TNFRSF25: variants seen among roughly 807,000 people sequenced by gnomAD.
TNFRSF25 encodes the protein TNF receptor superfamily member 25.
Under a neutral mutation model 49.4 loss-of-function variants are expected in TNFRSF25, and 28 were observed. The ratio of observed to expected loss-of-function variants is 0.57; its 90% CI spans 0.42 to 0.78. The LOEUF (loss-of-function observed/expected upper bound fraction) is 0.78, where lower values mean the gene tolerates loss of function less well. Among genes scored for constraint, TNFRSF25 ranks in the 30% least tolerant of loss-of-function variants. The pLI is 0.00. For missense variants in TNFRSF25, 531 were observed against 581.6 expected (o/e 0.91, Z 0.90); for synonymous variants, 240 against 234.2 (o/e 1.02, Z -0.23).
chr1:6,462,364 C>T lies in TNFRSF25; in HGVS notation c.745-190G>A, dbSNP rs895752857. 9.7e-6 allele frequency: 11 copies of T among 1,138,426 alleles called. No individual in the cohort carries two copies. Among genetic ancestry groups the T allele is most frequent in the Middle Eastern group, 2.9e-4 (1 of 3,490 alleles). 70.5% of individuals were successfully genotyped at this position (1,138,426 alleles called of 1,614,324 possible). On this transcript the variant is annotated intron_variant, in intron 8 of 9. Coordinates refer to ENST00000356876, the MANE Select transcript of TNFRSF25 (RefSeq NM_003790.3). The surrounding 1 kb of genome is among the most constrained non-coding windows in gnomAD (Gnocchi z 4.2). ...GCTTCTGCCTTGAGTCCCCTGCCCCCGCCTCCTTCCTCTTGTCCCCCAGCA... is the reference window on the plus strand; with the variant it reads ...GCTTCTGCCTTGAGTCCCCTGCCCCTGCCTCCTTCCTCTTGTCCCCCAGCA...
rs1557725240 is a variant in TNFRSF25, at chr1:6,462,107, A to T, written c.812T>A (p.Ile271Asn). The change falls in exon 9 of 10, where the codon ATC becomes AAC. Residue 271 changes from isoleucine to asparagine, a missense_variant. By Grantham distance (149) the Ile-to-Asn change is moderately radical (BLOSUM62 -3). Coordinates refer to ENST00000356876, the MANE Select transcript of TNFRSF25 (RefSeq NM_003790.3). This position sits in a 1 kb window ranked among gnomAD's most constrained non-coding sequence, Gnocchi z 4.2. ...GTTACCCACCAACTGGACGGTGCAG[A>T]TCTTCTCACTGCTGTCAGGAGGTGC... is the stretch of plus-strand genomic sequence containing the variant. ...LLAPPDSSEK[I>N]CTVQLVGNSW... The T allele has an allele frequency of 6.2e-7, 1 of 1,613,772 alleles. No individual in the cohort carries two copies.
rs1644179900 is a variant in TNFRSF25 at position 6,461,760 on chromosome 1, G to A, written c.928C>T (p.Pro310Ser). 2.0e-6 allele frequency: 3 copies of A among 1,521,906 alleles called. No homozygotes were observed. Among genetic ancestry groups the A allele is most frequent in the Non-Finnish European group, 2.6e-6 (3 of 1,137,238 alleles). The allele number at this position is 1,521,906 out of a possible 1,614,324, so 94.3% of individuals were successfully genotyped here. ...WDQLPSRALG[P>S]AAAPTLSPES... ...GGCGAGAGTGTGGGCGCAGCAGCGG[G>A]GCCTGGGGCAGGGCCAGAGAGAGCC... Residue 310 changes from proline (P) to serine (S), a missense_variant and splice_region_variant, in exon 10 of 10, where the codon CCC (proline) becomes TCC (serine). Physicochemically the swap from Pro to Ser is moderately conservative, Grantham distance 74. Coordinates refer to ENST00000356876, the MANE Select transcript of TNFRSF25 (RefSeq NM_003790.3). The surrounding 1 kb of genome is among the most constrained non-coding windows in gnomAD (Gnocchi z 6.3).
At position 6,462,970 on chromosome 1, in the gene TNFRSF25, A is replaced by T; in HGVS notation, c.599T>A (p.Met200Lys). The T allele has an allele frequency of 6.3e-7, 1 of 1,590,066 alleles. No individual in the cohort carries two copies. Among genetic ancestry groups the T allele is most frequent in the Non-Finnish European group, 8.6e-7 (1 of 1,167,758 alleles). ...AGCCAGGAGCACCTGGACCCAGAAC[A>T]CTGAAAGCAGCTGGTGGGTGTTGGG... is the stretch of plus-strand genomic sequence containing the variant. The part of the protein sequence containing the change: ...RCAAVCGWRQ[M>K]FWVQVLLAGL... The change falls in exon 7 of 10, where the codon ATG (methionine) becomes AAG (lysine). Residue 200 changes from methionine to lysine, a missense_variant and splice_region_variant. By Grantham distance (95) the Met-to-Lys change is moderately conservative (BLOSUM62 -1). Coordinates refer to ENST00000356876, the MANE Select transcript of TNFRSF25 (RefSeq NM_003790.3). This position sits in a 1 kb window ranked among gnomAD's most constrained non-coding sequence, Gnocchi z 4.2.
At chr1:6,465,725 TC>T (rs1401968052) in intron 1 of TNFRSF25, 165 bp from the exon 2 acceptor site, 1 of 1,430,742 alleles carries the variant, frequency 7.0e-7, no homozygotes, top group Non-Finnish European at 9.1e-7. Context: ...CTAACTTCCT[TC>T]CCCCCGCGCA....
intron 5 of TNFRSF25, 172 bp from the exon 6 acceptor site, chr1:6,463,299 C>G (rs1311440517): frequency 3.1e-6 from 2 of 649,036 alleles, no homozygotes; most frequent in Admixed American, 5.7e-5. Flanking sequence ...ACACTATTCA[C>G]TGAGCTTCTT....
At position 6,462,962 on chromosome 1, in the gene TNFRSF25, C is replaced by T. The variant is rs761383028; in HGVS notation, c.607G>A (p.Val203Ile). Residue 203 changes from valine (V) to isoleucine (I), a missense_variant, in exon 7 of 10, where the codon GTC becomes ATC. Coordinates refer to ENST00000356876, the MANE Select transcript of TNFRSF25 (RefSeq NM_003790.3). This position sits in a 1 kb window ranked among gnomAD's most constrained non-coding sequence, Gnocchi z 4.2. ...AVCGWRQMFW[V>I]QVLLAGLVVP... ...ACAAGGCCAGCCAGGAGCACCTGGA[C>T]CCAGAACACTGAAAGCAGCTGGTGG... 4 of 1,595,036 alleles carry T rather than the reference C, an allele frequency of 2.5e-6. No homozygotes were observed. The highest frequency in any genetic ancestry group is 1.1e-5 in the South Asian group (1 of 88,258).
Position 6,464,358 on chromosome 1 carries a change from C to T in TNFRSF25, c.542+17G>A, listed in dbSNP as rs753562897. 1.8e-5 allele frequency: 28 copies of T among 1,597,384 alleles called. No homozygotes were observed. The highest frequency in any genetic ancestry group is 2.3e-5 in the South Asian group (2 of 88,252). On this transcript the variant is annotated intron_variant, in intron 5 of 9. Transcript: ENST00000356876. ...CCCAGCCGCCCTTCCCTCCATCCCA[C>T]GACAGCTAGGAATTACGTGGGGCAG... is the stretch of plus-strand genomic sequence containing the variant.
Position 6,462,732 on chromosome 1 carries a change from G to C in TNFRSF25, c.707-66C>G. On this transcript the variant is annotated intron_variant, in intron 7 of 9. Transcript: ENST00000356876. The surrounding 1 kb of genome is among the most constrained non-coding windows in gnomAD (Gnocchi z 4.2). ...CCTCCTGGACCTGGGTGCTGGTACAGCTCCTCTAGGGTTCCTCTGCACCCC... is the reference window on the plus strand; with the variant it reads ...CCTCCTGGACCTGGGTGCTGGTACACCTCCTCTAGGGTTCCTCTGCACCCC... 6.3e-7 allele frequency: 1 copy of C among 1,598,880 alleles called. No individual in the cohort carries two copies. The highest frequency in any genetic ancestry group is 8.5e-7 in the Non-Finnish European group (1 of 1,172,562).
chr1:6,465,288 C>T, intron 2 of TNFRSF25, 66 bp from the exon 3 acceptor site: 2 of 1,555,310 alleles, frequency 1.3e-6, no homozygotes, highest in African/African-American at 1.4e-5. Flanking sequence ...CTGCTTCCCA[C>T]CCTGCCCTCC....
In TNFRSF25 at chr1:6,461,397, G is replaced by T; in HGVS notation, c.*37C>A. ...TAACCGTACTTAGGGCTTCTGCAAG[G>T]GCCACCAGAGCGCCTAGGTGGCAAG... is the stretch of plus-strand genomic sequence containing the variant. On this transcript the variant is annotated 3_prime_UTR_variant, in exon 10 of 10. Transcript: ENST00000356876. The surrounding 1 kb of genome is among the most constrained non-coding windows in gnomAD (Gnocchi z 6.3). The T allele has an allele frequency of 6.8e-7, 1 of 1,475,336 alleles. No individual in the cohort carries two copies. Among genetic ancestry groups the T allele is most frequent in the Non-Finnish European group, 9.0e-7 (1 of 1,112,456 alleles). 91.4% of individuals were successfully genotyped at this position (1,475,336 alleles called of 1,614,324 possible). A position where few individuals can be genotyped will look rare whatever the true frequency, so the allele number is the denominator to read the frequency against.
rs114752231 is a variant in TNFRSF25 at position 6,462,599 on chromosome 1, C to T, written c.744+30G>A. ...GGCTTGATCTTCCAGCTCCAGAAGGCAGCCCAGAATCACACAGTGAGGTTC... is the reference window on the plus strand; with the variant it reads ...GGCTTGATCTTCCAGCTCCAGAAGGTAGCCCAGAATCACACAGTGAGGTTC... On this transcript the variant is annotated intron_variant, in intron 8 of 9. Coordinates refer to ENST00000356876, the MANE Select transcript of TNFRSF25 (RefSeq NM_003790.3). The surrounding 1 kb of genome is among the most constrained non-coding windows in gnomAD (Gnocchi z 4.2). The T allele has an allele frequency of 1.3e-4, 212 of 1,604,042 alleles. No homozygotes were observed. The African/African-American group carries it at 2.5e-3, about 19-fold the overall frequency.
chr1:6,463,562 T>TA, intron 5 of TNFRSF25: 1 of 169,342 alleles, frequency 5.9e-6, no homozygotes, highest in South Asian at 1.5e-4. Context: ...CCGTCTCTAC[T>TA]AAAAATACAA....
At position 6,465,113 on chromosome 1, in the gene TNFRSF25, G is replaced by A; in HGVS notation, c.270C>T (p.Ala90=). 6.2e-7 allele frequency: 1 copy of A among 1,613,962 alleles called. No homozygotes were observed. The highest frequency in any genetic ancestry group is 8.5e-7 in the Non-Finnish European group (1 of 1,179,932). Residue 90 remains alanine, a synonymous_variant, in exon 3 of 10, where the codon GCC becomes GCT. Transcript: ENST00000356876. The part of the protein sequence containing the change: ...AWENHHNSEC[A]RCQACDEQAS... ...CCTGCTCATCACAGGCCTGGCAGCG[G>A]GCACATTCAGAATTATGGTGGTTCT... is the stretch of plus-strand genomic sequence containing the variant.
In TNFRSF25 at chr1:6,462,361, C is replaced by T. The variant is rs1644200828; in HGVS notation, c.745-187G>A. 6 of 1,138,010 alleles carry T rather than the reference C, an allele frequency of 5.3e-6. No homozygotes were observed. The highest frequency in any genetic ancestry group is 3.0e-5 in the Admixed American group (1 of 33,728). 70.5% of individuals were successfully genotyped at this position (1,138,010 alleles called of 1,614,324 possible). Reference sequence around the variant, plus strand: ...CTTGCTTCTGCCTTGAGTCCCCTGCCCCCGCCTCCTTCCTCTTGTCCCCCA... The same window carrying T: ...CTTGCTTCTGCCTTGAGTCCCCTGCTCCCGCCTCCTTCCTCTTGTCCCCCA... On this transcript the variant is annotated intron_variant, in intron 8 of 9. Transcript: ENST00000356876. This position sits in a 1 kb window ranked among gnomAD's most constrained non-coding sequence, Gnocchi z 4.2.
intron 5 of TNFRSF25, chr1:6,463,921 G>GTATT (rs970189098): frequency 1.1e-5 from 2 of 185,686 alleles, no homozygotes; most frequent in African/African-American, 4.8e-5. Flanking sequence ...TCAGCCCTTT[G>GTATT]TATTTATTTA....
Position 6,466,055 on chromosome 1 carries a change from G to A in TNFRSF25, c.39+14C>T. On this transcript the variant is annotated intron_variant, in intron 1 of 9. Coordinates refer to ENST00000356876, the MANE Select transcript of TNFRSF25 (RefSeq NM_003790.3). ...GGCTCAAAGCTGCCCCTAGCCTCCT[G>A]CGTCTCAACTCACCGCCGCCACCGC... The A allele has an allele frequency of 6.3e-7, 1 of 1,580,896 alleles. No homozygotes were observed. The highest frequency in any genetic ancestry group is 8.6e-7 in the Non-Finnish European group (1 of 1,165,830).
chr1:6,465,228 G>A lies in TNFRSF25; in HGVS notation c.161-6C>T, dbSNP rs1372943376. On this transcript the variant is annotated splice_region_variant and splice_polypyrimidine_tract_variant and intron_variant, in intron 2 of 9. Transcript: ENST00000356876. ...AGGGGCCTTCAGGTAGTGCCCTGTG[G>A]AACCAGGCAGGGGTCAGGCAGGCAG... 4 of 1,605,930 alleles carry A rather than the reference G, an allele frequency of 2.5e-6. No individual in the cohort carries two copies. In the African/African-American group the frequency reaches 5.4e-5, roughly 21 times the overall value.
rs765353810 is a variant in TNFRSF25, at chr1:6,462,012, A to G, written c.907T>C (p.Leu303=). ...CPQVTWSWDQ[L]PSRALGPAAA... ...CCCTTACCAAGAGCTCTGCTGGGCA[A>G]CTGGTCCCAGGACCATGTCACCTGC... is the stretch of plus-strand genomic sequence containing the variant. Residue 303 remains leucine (L), a synonymous_variant, in exon 9 of 10, where the codon TTG becomes CTG. Transcript: ENST00000356876. The surrounding 1 kb of genome is among the most constrained non-coding windows in gnomAD (Gnocchi z 4.2). 3.7e-6 allele frequency: 6 copies of G among 1,610,584 alleles called. No homozygotes were observed. The East Asian group carries it at 8.9e-5, about 24-fold the overall frequency.
rs374137760 is a variant in TNFRSF25, at chr1:6,465,380, T to C, written c.160+60A>G. 5.7e-6 allele frequency: 9 copies of C among 1,569,286 alleles called. No homozygotes were observed. In the African/African-American group the frequency reaches 8.2e-5, roughly 14 times the overall value. The stretch of plus-strand genomic sequence containing the variant: ...CCAGCCTCCTCTTACCTCCCGGGCC[T>C]GCCCGCCACCTCTCCAGCCCTGCCT... On this transcript the variant is annotated intron_variant, in intron 2 of 9. Transcript: ENST00000356876.
Sources: gnomAD v4.1 joint callset for allele counts on GRCh38, gnomAD v4.1.1 for gene constraint, Gnocchi (gnomAD v3.1) non-coding constraint, MANE v1.5 for transcripts, NCBI Gene and HGNC (gene_info 2026-07-23, HGNC 2026-07-21) for gene names.